The following ACTR3C variants were observed in gnomAD, a reference collection of about 807,000 sequenced individuals.
The protein encoded by ACTR3C is actin related protein 3C.
ACTR3C carries 18 observed loss-of-function variants against 26.3 expected under a neutral mutation model. That is an observed-to-expected ratio of 0.68 (90% CI 0.47 to 1.01). The LOEUF is 1.01. Ranked by LOEUF, ACTR3C falls within the 50% of genes least tolerant of loss-of-function variation. The probability of loss-of-function intolerance (pLI) is 0.00; values close to 1 mark genes in which losing one functional copy is unlikely to be tolerated. For missense variants in ACTR3C, 184 were observed against 250.7 expected (o/e 0.73, Z 1.80); for synonymous variants, 55 against 94.5 (o/e 0.58, Z 2.42).
chr7:150,214,514 C>G, the ACTR3C span, among the ~76,000 whole-genome samples: 1 of 151,128 alleles, frequency 6.6e-6, no homozygotes, highest in Non-Finnish European at 1.5e-5. Context: ...GAAATTAAAC[C>G]TGAAAAAGAG....
chr7:150,084,916 C>T, the ACTR3C span, among the ~76,000 whole-genome samples: 1 of 152,070 alleles, frequency 6.6e-6, no homozygotes, highest in African/African-American at 2.4e-5. Context: ...TTGGTGCAGC[C>T]CCAGTGGGGA....
At chr7:150,200,198 C>T in the ACTR3C span, among the ~76,000 whole-genome samples, 2 of 152,170 alleles carry the variant, frequency 1.3e-5, no homozygotes, top group African/African-American at 4.8e-5. Context: ...TAATTTACCT[C>T]CTTTTCACTA....
chr7:150,236,378 C>G, the ACTR3C span, among the ~76,000 whole-genome samples: 2 of 152,124 alleles, frequency 1.3e-5, no homozygotes, highest in Non-Finnish European at 1.5e-5. Flanking sequence ...ACACTCATAC[C>G]AAGTACATAA....
the ACTR3C span, among the ~76,000 whole-genome samples, chr7:149,938,510 G>T: frequency 1.3e-5 from 2 of 151,956 alleles, no homozygotes; most frequent in African/African-American, 4.8e-5. Flanking sequence ...CAAATTTACA[G>T]CCAATAGACA....
At chr7:150,092,010 A>AAAAAAAAAAAAAG in the ACTR3C span, among the ~76,000 whole-genome samples, 1 of 140,416 alleles carries the variant, frequency 7.1e-6, no homozygotes, top group Non-Finnish European at 1.6e-5. Flanking sequence ...AAAAAAAAAA[A>AAAAAAAAAAAAAG]AAAAAAAAAA....
the ACTR3C span, among the ~76,000 whole-genome samples, chr7:150,221,372 T>G: frequency 6.6e-6 from 1 of 152,180 alleles, no homozygotes; most frequent in East Asian, 1.9e-4. Flanking sequence ...GAAAAGAAAT[T>G]GACCCCAGGG....
chr7:150,039,491 C>A, the ACTR3C span, among the ~76,000 whole-genome samples: 1 of 70,356 alleles, frequency 1.4e-5, no homozygotes, highest in African/African-American at 4.8e-5. Context: ...GGGGATAGCT[C>A]TCAGTCCCCA....
the ACTR3C span, among the ~76,000 whole-genome samples, chr7:150,076,853 A>T: frequency 1.3e-5 from 2 of 152,028 alleles, no homozygotes; most frequent in Non-Finnish European, 2.9e-5. Flanking sequence ...TCTTTGTAAT[A>T]CAATCTGTTA....
chr7:150,077,310 T>G, the ACTR3C span, among the ~76,000 whole-genome samples: 1 of 151,740 alleles, frequency 6.6e-6, no homozygotes, highest in African/African-American at 2.4e-5. Flanking sequence ...GAAGTGTGTC[T>G]GTGTGTGTGT....
At chr7:150,273,189 A>T (rs1834583197) in intron 6 of ACTR3C, among the ~76,000 whole-genome samples, 1 of 149,640 alleles carries the variant, frequency 6.7e-6, no homozygotes. Flanking sequence ...AAAACATTTT[A>T]AAATGCCCTA....
chr7:149,908,971 G>T, the ACTR3C span, among the ~76,000 whole-genome samples: 5 of 151,822 alleles, frequency 3.3e-5, no homozygotes, highest in South Asian at 8.4e-4. Context: ...TGATAGAGAC[G>T]GGGTTCCAAC....
the ACTR3C span, among the ~76,000 whole-genome samples, chr7:150,191,701 T>C: frequency 6.6e-6 from 1 of 152,188 alleles, no homozygotes; most frequent in African/African-American, 2.4e-5. Context: ...GGCCTTTATT[T>C]CTTTTCCTGA....
chr7:150,041,797 G>T, the ACTR3C span, among the ~76,000 whole-genome samples: 1 of 132,278 alleles, frequency 7.6e-6, no homozygotes, highest in Non-Finnish European at 1.6e-5. Context: ...CGCGGGGGGT[G>T]CCTCCCCCCC....
chr7:150,034,696 T>C, the ACTR3C span, among the ~76,000 whole-genome samples: 10,363 of 112,896 alleles, frequency 0.092, 20 homozygotes, highest in Middle Eastern at 0.11. Flanking sequence ...GATTTGAACT[T>C]TCTACTTGGA....
the ACTR3C span, among the ~76,000 whole-genome samples, chr7:149,968,847 G>C: frequency 4.6e-5 from 7 of 152,182 alleles, no homozygotes; most frequent in Admixed American, 4.6e-4. Flanking sequence ...CGCTGTGCCT[G>C]TTGGGGGTAA....
chr7:149,884,965 C>T, the ACTR3C span, among the ~76,000 whole-genome samples: 1 of 152,304 alleles, frequency 6.6e-6, no homozygotes, highest in African/African-American at 2.4e-5. Context: ...ACAGGATGTC[C>T]AAGCCCTGAC....
chr7:149,889,236 A>G, the ACTR3C span, among the ~76,000 whole-genome samples: 1 of 152,198 alleles, frequency 6.6e-6, no homozygotes, highest in African/African-American at 2.4e-5. Context: ...CCTACCTTAG[A>G]TCATGCACAG....
At chr7:150,032,515 T>G in the ACTR3C span, among the ~76,000 whole-genome samples, 1 of 151,942 alleles carries the variant, frequency 6.6e-6, no homozygotes, top group Admixed American at 6.5e-5. Flanking sequence ...AGATTTCACA[T>G]GTAGACCCTG....
the ACTR3C span, among the ~76,000 whole-genome samples, chr7:150,169,296 T>G: frequency 6.9e-6 from 1 of 145,682 alleles, no homozygotes; most frequent in African/African-American, 2.7e-5. Context: ...GGCAGGAGAA[T>G]GGCATGAACC....
Sources: gnomAD v4.1 joint callset for allele counts (sites outside exome capture counted in the v4.1 genomes callset) on GRCh38, gnomAD v4.1.1 for gene constraint, MANE v1.5 for transcripts, NCBI Gene and HGNC (gene_info 2026-07-23, HGNC 2026-07-21) for gene names.